Variants in RBFOX1 observed in about 807,000 individuals in gnomAD.
RBFOX1 encodes the protein RNA binding protein fox-1 homolog 1.
A neutral mutation model predicts 57.7 loss-of-function variants in RBFOX1; 8 were observed. The observed-to-expected ratio is 0.14, with a 90% CI of 0.08 to 0.25. The LOEUF is 0.25. RBFOX1 is among the 10% of genes least tolerant of loss of function. RBFOX1 has a pLI of 1.00. For synonymous variants in RBFOX1, 326 were observed against 222.4 expected, an observed-to-expected ratio of 1.47 and a Z score of -4.15; for missense variants, 611 against 548.5, an observed-to-expected ratio of 1.11 and a Z score of -1.14.
At position 5,512,139 on chromosome 16, in the gene RBFOX1, G is replaced by T. The variant is rs114906135; in HGVS notation, c.258+44885G>T. ...AAGTGGTTTTTGCTTCTGCTAAGTG[G>T]TGGAGATAAAATGATGGATGTGGGC... On this transcript the variant is annotated intron_variant, in intron 2 of 2. Coordinates refer to the RBFOX1 transcript ENST00000585867. Among the ~76,000 whole-genome samples the T allele has an allele frequency of 5.3e-3, 801 of 152,296 alleles. 11 individuals are homozygous for T. The highest frequency in any genetic ancestry group is 0.019 in the African/African-American group (770 of 41,550).
intron 4 of RBFOX1, among the ~76,000 whole-genome samples, chr16:7,173,463 T>C (rs1003927556): frequency 6.6e-6 from 1 of 152,188 alleles, no homozygotes; most frequent in Admixed American, 6.5e-5. Context: ...GTTTCGAATG[T>C]TTTGTGTGAA....
At chr16:6,389,901 C>T (rs1227118439) in intron 2 of RBFOX1, among the ~76,000 whole-genome samples, 2 of 152,148 alleles carry the variant, frequency 1.3e-5, no homozygotes, top group African/African-American at 4.8e-5. Context: ...TGTGTACTGC[C>T]ATCTGAGTCG....
chr16:7,332,296 T>G (rs577086774), intron 4 of RBFOX1, among the ~76,000 whole-genome samples: 1 of 152,286 alleles, frequency 6.6e-6, no homozygotes, highest in African/African-American at 2.4e-5. Context: ...GAGAATGAAA[T>G]TACATAACAC....
intron 4 of RBFOX1, among the ~76,000 whole-genome samples, chr16:5,868,089 A>T (rs2057385161): frequency 6.6e-6 from 1 of 152,240 alleles, no homozygotes; most frequent in African/African-American, 2.4e-5. Context: ...AAAGAATAAA[A>T]AACGAAGCTG....
At chr16:6,705,489 C>T (rs8046207) in intron 3 of RBFOX1, 62,613 of 151,980 alleles carry the variant, frequency 0.41, 15,919 homozygotes, top group Middle Eastern at 0.7. Context: ...GTCCTGGAAG[C>T]CACAACCCCC....
At chr16:5,721,835 G>C (rs1054701218) in intron 3 of RBFOX1, among the ~76,000 whole-genome samples, 1 of 152,188 alleles carries the variant, frequency 6.6e-6, no homozygotes. Context: ...TGTAACTAGA[G>C]AATCTCAGTG....
intron 2 of RBFOX1, among the ~76,000 whole-genome samples, chr16:6,327,255 A>T (rs1040832040): frequency 1.3e-5 from 2 of 151,996 alleles, no homozygotes; most frequent in African/African-American, 4.8e-5. Flanking sequence ...ATTCCCTGCG[A>T]TCATCATTAT....
At chr16:7,663,504 C>CATGT (rs3223535) in intron 12 of RBFOX1, among the ~76,000 whole-genome samples, 17 of 148,848 alleles carry the variant, frequency 1.1e-4, no homozygotes, top group African/African-American at 3.0e-4. Flanking sequence ...GTCAGTACAG[C>CATGT]GTGTGTGTGT....
chr16:6,568,674 T>C (rs938603137), intron 2 of RBFOX1, among the ~76,000 whole-genome samples: 2 of 152,174 alleles, frequency 1.3e-5, no homozygotes, highest in Admixed American at 1.3e-4. Flanking sequence ...GGATAGAACA[T>C]GTAACTCTGT....
intron 4 of RBFOX1, among the ~76,000 whole-genome samples, chr16:7,397,333 G>A (rs963728728): frequency 6.6e-6 from 1 of 152,170 alleles, no homozygotes; most frequent in African/African-American, 2.4e-5. Context: ...CACTTTGCAA[G>A]TGACTTTTCA....
At chr16:6,851,547 A>G (rs980445430) in intron 3 of RBFOX1, among the ~76,000 whole-genome samples, 4 of 152,154 alleles carry the variant, frequency 2.6e-5, no homozygotes, top group African/African-American at 9.7e-5. Context: ...TTTTTATTTA[A>G]ATATTTGTGT....
chr16:6,552,633 T>A (rs905103698), intron 2 of RBFOX1, among the ~76,000 whole-genome samples: 1 of 152,176 alleles, frequency 6.6e-6, no homozygotes. Context: ...CCTTCTGAAA[T>A]TTGGCATCCT....
At chr16:6,571,424 G>T (rs557728120) in intron 2 of RBFOX1, among the ~76,000 whole-genome samples, 36 of 152,342 alleles carry the variant, frequency 2.4e-4, no homozygotes, top group African/African-American at 8.7e-4. Flanking sequence ...CTATGGCAGA[G>T]ACCCAGTGCT....
chr16:6,644,551 C>A (rs1027343158), intron 2 of RBFOX1, among the ~76,000 whole-genome samples: 2 of 152,142 alleles, frequency 1.3e-5, no homozygotes, highest in Non-Finnish European at 2.9e-5. Context: ...TCCTGTATTT[C>A]CTATGAAAAG....
chr16:6,183,671 C>T (rs2097084582), intron 1 of RBFOX1, among the ~76,000 whole-genome samples: 1 of 151,992 alleles, frequency 6.6e-6, no homozygotes, highest in African/African-American at 2.4e-5. Context: ...TCTAGAAGAT[C>T]AGAAAGAAGG....
At chr16:6,740,872 C>T (rs2071855207) in intron 3 of RBFOX1, among the ~76,000 whole-genome samples, 1 of 152,138 alleles carries the variant, frequency 6.6e-6, no homozygotes, top group South Asian at 2.1e-4. Flanking sequence ...ACAAGATTAT[C>T]TCAAAATTTG....
chr16:7,481,054 C>T (rs1048256615), intron 4 of RBFOX1, among the ~76,000 whole-genome samples: 1 of 152,132 alleles, frequency 6.6e-6, no homozygotes, highest in Non-Finnish European at 1.5e-5. Context: ...ACATCCTGGG[C>T]TTGAATTCTA....
chr16:6,770,966 A>G (rs566103306), intron 3 of RBFOX1, among the ~76,000 whole-genome samples: 1 of 152,100 alleles, frequency 6.6e-6, no homozygotes, highest in African/African-American at 2.4e-5. Context: ...CCCCGATTCA[A>G]ATGCTCAAAT....
rs1287104099 is a variant in RBFOX1, at chr16:7,595,593, G to A, written c.513G>A (p.Arg171=). 1.3e-6 allele frequency: 2 copies of A among 1,569,658 alleles called. No individual in the cohort carries two copies. The highest frequency in any genetic ancestry group is 1.7e-6 in the Non-Finnish European group (2 of 1,155,252). Reference sequence around the variant, plus strand: ...TCGAAAATAGTGCCGATGCGGACAGGGCGAGGGAGAAATTACACGGCACCG... The same window carrying A: ...TCGAAAATAGTGCCGATGCGGACAGAGCGAGGGAGAAATTACACGGCACCG... ...VTFENSADAD[R]AREKLHGTVV... is the part of the protein sequence containing the mutation. The change falls in exon 8 of 16, where the codon AGG becomes AGA. Residue 171 remains arginine, a synonymous_variant. Coordinates refer to ENST00000550418, the MANE Select transcript of RBFOX1 (RefSeq NM_018723.4).
Sources: allele counts gnomAD v4.1 joint callset (sites outside exome capture counted in the v4.1 genomes callset), GRCh38; gene constraint gnomAD v4.1.1; transcripts MANE v1.5; gene names NCBI Gene and HGNC (gene_info 2026-07-23, HGNC 2026-07-21).